The following DMXL2 variants were observed in gnomAD, a reference collection of about 807,000 sequenced individuals.
DMXL2 encodes dmX-like protein 2.
DMXL2 carries 103 observed loss-of-function variants against 331.1 expected under a neutral mutation model. That is an observed-to-expected ratio of 0.31 (90% CI 0.27 to 0.37). The LOEUF (loss-of-function observed/expected upper bound fraction) is 0.37. DMXL2 is among the 10% of genes least tolerant of loss of function. The probability of loss-of-function intolerance (pLI) is 1.00; values close to 1 mark genes in which losing one functional copy is unlikely to be tolerated. For synonymous variants in DMXL2, 1,281 were observed against 1,252.1 expected (o/e 1.02, Z -0.49); for missense variants, 3,171 against 3,642.9 (o/e 0.87, Z 3.33).
chr15:51,559,345 A>G (rs960477745), intron 6 of DMXL2, among the ~76,000 whole-genome samples: 1 of 152,256 alleles, frequency 6.6e-6, no homozygotes, highest in Non-Finnish European at 1.5e-5. Context: ...ACTTTCTTTT[A>G]AATCAGTCAT....
chr15:51,570,933 C>A (rs1280991299), intron 2 of DMXL2, among the ~76,000 whole-genome samples: 4 of 152,090 alleles, frequency 2.6e-5, no homozygotes, highest in Non-Finnish European at 5.9e-5. Context: ...TCACACATCA[C>A]AATATTAACC....
chr15:51,498,049 A>G (rs908308170), intron 18 of DMXL2, among the ~76,000 whole-genome samples: 3 of 152,186 alleles, frequency 2.0e-5, no homozygotes, highest in African/African-American at 7.2e-5. Context: ...CTGGGGCAAC[A>G]TAAGGAGACC....
At chr15:51,523,005 C>T (rs375868142) in intron 13 of DMXL2, among the ~76,000 whole-genome samples, 3 of 152,226 alleles carry the variant, frequency 2.0e-5, no homozygotes, top group South Asian at 4.1e-4. Flanking sequence ...CCTTCCTGTG[C>T]TTCCTAAATC....
At chr15:51,498,338 T>C (rs1175751595) in intron 18 of DMXL2, among the ~76,000 whole-genome samples, 1 of 152,134 alleles carries the variant, frequency 6.6e-6, no homozygotes, top group African/African-American at 2.4e-5. Context: ...CATGAGAGAA[T>C]GCACATGGAT....
chr15:51,559,886 ATTATCTACTG>A (rs1358473405), intron 6 of DMXL2, among the ~76,000 whole-genome samples: 1 of 152,234 alleles, frequency 6.6e-6, no homozygotes, highest in Non-Finnish European at 1.5e-5. Context: ...ACAGATTGGT[ATTATCTACTG>A]AAATTAAAGA....
intron 1 of DMXL2, among the ~76,000 whole-genome samples, chr15:51,618,247 A>G (rs1054977751): frequency 6.6e-6 from 1 of 151,978 alleles, no homozygotes; most frequent in Non-Finnish European, 1.5e-5. Flanking sequence ...TTACTCTCGT[A>G]TTAGACTACC....
At position 51,483,454 on chromosome 15, in the gene DMXL2, C is replaced by T. The variant is rs146225009; in HGVS notation, c.5483-1831G>A. On this transcript the variant is annotated intron_variant, in intron 23 of 43. Transcript: ENST00000560891. ...TGGTCCTGCATGGCAGGGAAATCAA[C>T]CCCTACCATCACACTTTTGGTCAGA... 1.0e-3 allele frequency among the ~76,000 whole-genome samples: 153 copies of T among 152,326 alleles called. 1 individual carries two copies. The Middle Eastern group carries it at 0.034, about 34-fold the overall frequency.
chr15:51,590,706 T>C (rs1459372742), intron 1 of DMXL2, among the ~76,000 whole-genome samples: 3 of 152,142 alleles, frequency 2.0e-5, no homozygotes, highest in Non-Finnish European at 2.9e-5. Flanking sequence ...TTTAACTCTT[T>C]ATTCAACAAC....
At chr15:51,510,155 G>A (rs2046668015) in intron 15 of DMXL2, among the ~76,000 whole-genome samples, 1 of 152,174 alleles carries the variant, frequency 6.6e-6, no homozygotes, top group Non-Finnish European at 1.5e-5. Context: ...ACAAGACAAG[G>A]ATGCCCTCTC....
At chr15:51,470,810 A>G (rs892840743) in intron 29 of DMXL2, among the ~76,000 whole-genome samples, 8 of 152,240 alleles carry the variant, frequency 5.3e-5, no homozygotes, top group Admixed American at 2.6e-4. Context: ...GAAAACAGAG[A>G]TGTATCATGG....
At chr15:51,483,352 C>T (rs1446500766) in intron 23 of DMXL2, among the ~76,000 whole-genome samples, 1 of 152,196 alleles carries the variant, frequency 6.6e-6, no homozygotes, top group Admixed American at 6.5e-5. Flanking sequence ...GACCCGTCTT[C>T]ATTCCAAGCC....
At chr15:51,458,385 G>T in intron 36 of DMXL2, 121 bp downstream of exon 36, 1 of 1,058,692 alleles carries the variant, frequency 9.4e-7, no homozygotes, top group Non-Finnish European at 1.4e-6. Flanking sequence ...AATTATATTT[G>T]TCACCTACCC....
In DMXL2 at chr15:51,455,949, T is replaced by C. The variant is rs2061425; in HGVS notation, c.8526+117A>G. On this transcript the variant is annotated intron_variant, in intron 39 of 43. Coordinates refer to ENST00000560891, the MANE Select transcript of DMXL2 (RefSeq NM_001378457.1). ...TGTATGAATAGACTCCAACAAACTG[T>C]CTACTCAGTTTAAATCCAGGGTCAC... is the stretch of plus-strand genomic sequence containing the variant. 267,504 of 1,207,994 alleles carry C rather than the reference T, an allele frequency of 0.22. 31,846 individuals carry two copies. Among genetic ancestry groups the C allele is most frequent in the Non-Finnish European group, 0.25 (211,582 of 844,484 alleles). The allele number at this position is 1,207,994 out of a possible 1,614,324, so 74.8% of individuals were successfully genotyped here.
At position 51,458,526 on chromosome 15, in the gene DMXL2, T is replaced by A. The variant is rs756433240; in HGVS notation, c.8178A>T (p.Glu2726Asp). 4 of 1,613,698 alleles carry A rather than the reference T, an allele frequency of 2.5e-6. No individual in the cohort carries two copies. The Admixed American group carries it at 6.7e-5, about 27-fold the overall frequency. Residue 2726 changes from glutamate (E) to aspartate (D), a missense_variant, in exon 36 of 44, where the codon GAA becomes GAT. Glu to Asp is a conservative substitution (Grantham distance 45). This residue lies in a region of DMXL2 where 766 missense variants were observed against 940.5 expected (regional missense o/e 0.81). Transcript: ENST00000560891. ...ACQSYIWIGEEYDRESKSSDD... is the reference protein window; with the variant it reads ...ACQSYIWIGEDYDRESKSSDD... ...CAAACCTTTTGGATTCTCTGTCATA[T>A]TCTTCTCCGATCCATATGTATGACT...
chr15:51,488,716 T>C, intron 20 of DMXL2, 71 bp from the exon 21 acceptor site: 1 of 1,321,834 alleles, frequency 7.6e-7, no homozygotes, highest in East Asian at 2.4e-5. Context: ...AACAATAATG[T>C]TCCCCTGCTA....
intron 1 of DMXL2, among the ~76,000 whole-genome samples, chr15:51,595,058 A>C (rs1185854212): frequency 2.0e-5 from 3 of 152,208 alleles, no homozygotes; most frequent in Non-Finnish European, 4.4e-5. Context: ...ATAGTGTTGG[A>C]AGTTCTGGCC....
rs66990182 is a variant in DMXL2 at position 51,560,504 on chromosome 15, CAAA to C, written c.567+2874_567+2876del. Among the ~76,000 whole-genome samples, 3 of 41,520 alleles carry C rather than the reference CAAA, an allele frequency of 7.2e-5. No individual in the cohort carries two copies. The East Asian group carries it at 1.8e-3, about 26-fold the overall frequency. 27.2% of individuals were successfully genotyped at this position (41,520 alleles called of 152,430 possible). A position where few individuals can be genotyped will look rare whatever the true frequency, so the allele number is the denominator to read the frequency against. Reference sequence around the variant, plus strand: ...CAACATAATGAAACCTTATTTCTACCAAAAAAAAAAAAAAAAAAAAAAAAAAAC... The same window carrying C: ...CAACATAATGAAACCTTATTTCTACCAAAAAAAAAAAAAAAAAAAAAAAAC... On this transcript the variant is annotated intron_variant, in intron 6 of 43. Coordinates refer to ENST00000560891, the MANE Select transcript of DMXL2 (RefSeq NM_001378457.1).
chr15:51,453,399 A>T (rs2039330159), intron 41 of DMXL2, 151 bp downstream of exon 41: 3 of 520,608 alleles, frequency 5.8e-6, no homozygotes, highest in South Asian at 4.0e-5. Flanking sequence ...CTTTTTGGTA[A>T]GAAAAAACAC....
chr15:51,619,897 C>T (rs1191877250), intron 1 of DMXL2, among the ~76,000 whole-genome samples: 1 of 152,136 alleles, frequency 6.6e-6, no homozygotes, highest in Non-Finnish European at 1.5e-5. Flanking sequence ...CAAGAAAAGC[C>T]CACACAATGA....
Sources: allele counts gnomAD v4.1 joint callset (sites outside exome capture counted in the v4.1 genomes callset), GRCh38; gene constraint gnomAD v4.1.1; regional missense constraint gnomAD v4.1.1; transcripts MANE v1.5; gene names NCBI Gene and HGNC (gene_info 2026-07-23, HGNC 2026-07-21).